PTPRD: variants seen among roughly 807,000 people sequenced by gnomAD.
The protein encoded by PTPRD is receptor-type tyrosine-protein phosphatase delta.
In PTPRD, 34 loss-of-function variants were observed where a neutral mutation model predicts 214.5. The observed-to-expected ratio is 0.16, with a 90% CI of 0.12 to 0.21. The LOEUF is 0.21. PTPRD is among the 10% of genes least tolerant of loss of function. The pLI is 1.00. For missense variants in PTPRD, 2,545 were observed against 2,398.7 expected (o/e 1.06, Z -1.27); for synonymous variants, 1,128 against 845.7 (o/e 1.33, Z -5.79).
chr9:8,724,129 T>A (rs896224185), intron 12 of PTPRD, among the ~76,000 whole-genome samples: 3 of 152,190 alleles, frequency 2.0e-5, no homozygotes, highest in Non-Finnish European at 4.4e-5. Context: ...TAAGTTTAGA[T>A]AAAACTATCT....
intron 7 of PTPRD, among the ~76,000 whole-genome samples, chr9:9,635,168 T>A (rs2095719183): frequency 6.6e-6 from 1 of 152,168 alleles, no homozygotes; most frequent in Non-Finnish European, 1.5e-5. Flanking sequence ...ATAAAGCTTC[T>A]TTTTCTTTCC....
intron 7 of PTPRD, among the ~76,000 whole-genome samples, chr9:9,723,294 T>C (rs1189023815): frequency 6.6e-6 from 1 of 152,094 alleles, no homozygotes; most frequent in African/African-American, 2.4e-5. Context: ...CATTGGGTTA[T>C]CTTGGCACCT....
At chr9:9,650,881 C>T (rs1248454065) in intron 7 of PTPRD, among the ~76,000 whole-genome samples, 4 of 151,640 alleles carry the variant, frequency 2.6e-5, no homozygotes, top group Admixed American at 6.6e-5. Flanking sequence ...AAATAATTAG[C>T]TAAAATATAA....
chr9:8,926,975 T>G (rs1282189409), intron 11 of PTPRD, among the ~76,000 whole-genome samples: 1 of 152,134 alleles, frequency 6.6e-6, no homozygotes, highest in African/African-American at 2.4e-5. Context: ...GTGGAATTTT[T>G]GAGCTCAAAG....
intron 10 of PTPRD, among the ~76,000 whole-genome samples, chr9:9,181,032 A>C (rs1475573424): frequency 2.0e-5 from 3 of 152,076 alleles, no homozygotes; most frequent in African/African-American, 7.2e-5. Flanking sequence ...TAAAAATACC[A>C]AAGAATTTGA....
At chr9:10,238,663 A>T (rs1017203052) in intron 3 of PTPRD, among the ~76,000 whole-genome samples, 4 of 151,946 alleles carry the variant, frequency 2.6e-5, no homozygotes, top group African/African-American at 9.7e-5. Context: ...CATGGGATTA[A>T]TATGCAGATA....
At chr9:8,527,279 A>G in intron 16 of PTPRD, 66 bp downstream of exon 16, 1 of 1,497,368 alleles carries the variant, frequency 6.7e-7, no homozygotes, top group Non-Finnish European at 9.2e-7. Context: ...TTTATTAATA[A>G]TAATAATAAT....
chr9:9,068,905 C>T (rs747883207), intron 10 of PTPRD, among the ~76,000 whole-genome samples: 13 of 152,072 alleles, frequency 8.5e-5, no homozygotes, highest in Non-Finnish European at 1.9e-4. Flanking sequence ...GCACGGCTCT[C>T]GGCCTACAAA....
intron 2 of PTPRD, among the ~76,000 whole-genome samples, chr9:10,407,090 C>A (rs2098374953): frequency 6.6e-6 from 1 of 151,556 alleles, no homozygotes; most frequent in Non-Finnish European, 1.5e-5. Context: ...CCAACGTCTT[C>A]TCACCAACAA....
chr9:10,549,382 G>C (rs942243370), intron 2 of PTPRD, among the ~76,000 whole-genome samples: 16 of 152,134 alleles, frequency 1.1e-4, no homozygotes, highest in Admixed American at 3.9e-4. Context: ...AGGAAAAAAG[G>C]AAAGGGGAAA....
At chr9:9,029,852 G>A (rs1446172729) in intron 10 of PTPRD, among the ~76,000 whole-genome samples, 2 of 151,920 alleles carry the variant, frequency 1.3e-5, no homozygotes, top group African/African-American at 2.4e-5. Context: ...GTGGAGATCA[G>A]GGGAATGGTT....
intron 8 of PTPRD, among the ~76,000 whole-genome samples, chr9:9,573,068 A>C (rs749422104): frequency 4.0e-5 from 6 of 151,696 alleles, no homozygotes; most frequent in Non-Finnish European, 8.9e-5. Context: ...AATCAACACT[A>C]TTGATAAAGC....
At chr9:8,730,885 T>A (rs2098650028) in intron 12 of PTPRD, among the ~76,000 whole-genome samples, 1 of 152,222 alleles carries the variant, frequency 6.6e-6, no homozygotes, top group Non-Finnish European at 1.5e-5. Flanking sequence ...ATCACAGCTC[T>A]ACTGTCCAGA....
chr9:9,115,637 C>A (rs2099811718), intron 10 of PTPRD, among the ~76,000 whole-genome samples: 1 of 152,010 alleles, frequency 6.6e-6, no homozygotes, highest in Non-Finnish European at 1.5e-5. Context: ...TGTATCTACC[C>A]AAAAGAAAAT....
Position 10,225,700 on chromosome 9 carries a change from G to A in PTPRD, c.-545+115263C>T, listed in dbSNP as rs145196268. 5.4e-3 allele frequency among the ~76,000 whole-genome samples: 825 copies of A among 152,064 alleles called. 5 individuals carry two copies. Among genetic ancestry groups the A allele is most frequent in the African/African-American group, 0.019 (773 of 41,508 alleles). ...AGTCTACTCTTATTCATTAACTGTC[G>A]TATTCATACTGTGGATACATGCCTC... is the stretch of plus-strand genomic sequence containing the variant. On this transcript the variant is annotated intron_variant, in intron 3 of 45. Transcript: ENST00000381196.
chr9:9,879,923 G>A (rs1600703651), intron 5 of PTPRD, among the ~76,000 whole-genome samples: 2 of 152,134 alleles, frequency 1.3e-5, no homozygotes, highest in Admixed American at 6.6e-5. Flanking sequence ...GAAGTTTGAA[G>A]CTGTCTATAA....
intron 9 of PTPRD, among the ~76,000 whole-genome samples, chr9:9,324,809 G>T (rs966466246): frequency 6.6e-6 from 1 of 152,176 alleles, no homozygotes; most frequent in African/African-American, 2.4e-5. Flanking sequence ...TTCCTCTAGG[G>T]TTTTTATGGT....
chr9:10,362,951 A>G (rs927983780), intron 2 of PTPRD, among the ~76,000 whole-genome samples: 30 of 152,130 alleles, frequency 2.0e-4, no homozygotes, highest in African/African-American at 7.2e-4. Flanking sequence ...ACCCAGAACA[A>G]TGACTAGTAT....
intron 3 of PTPRD, among the ~76,000 whole-genome samples, chr9:10,205,460 C>T (rs551826476): frequency 9.2e-5 from 14 of 151,802 alleles, no homozygotes; most frequent in African/African-American, 3.4e-4. Context: ...GGCTGGAGTG[C>T]AGTGGCCTGA....
Sources: allele counts gnomAD v4.1 joint callset (sites outside exome capture counted in the v4.1 genomes callset), GRCh38; gene constraint gnomAD v4.1.1; transcripts MANE v1.5; gene names NCBI Gene and HGNC (gene_info 2026-07-23, HGNC 2026-07-21).